Variants in LRRC27 observed in about 807,000 individuals in gnomAD.
The protein encoded by LRRC27 is leucine rich repeat containing 27, also known as leucine-rich repeat-containing protein 27.
Under a neutral mutation model 55.0 loss-of-function variants are expected in LRRC27, and 57 were observed. That is an observed-to-expected ratio of 1.04 (90% CI 0.84 to 1.29). The LOEUF (loss-of-function observed/expected upper bound fraction) is 1.29, where lower values mean the gene tolerates loss of function less well. Among genes scored for constraint, LRRC27 ranks in the 50% most tolerant of loss-of-function variants. LRRC27 has a pLI of 0.00. For synonymous variants in LRRC27, 278 were observed against 251.9 expected (o/e 1.10, Z -0.98); for missense variants, 721 against 651.5 (o/e 1.11, Z -1.16).
In LRRC27 at chr10:132,355,720, G is replaced by T. The variant is rs1315441263; in HGVS notation, c.1074-70G>T. ...CAGGTGCACCGCAAGGCTGTAGAAT[G>T]ACAGAGGAATCCTGTAGCCTTGGCT... On this transcript the variant is annotated intron_variant, in intron 7 of 10. Coordinates refer to ENST00000368614, the MANE Select transcript of LRRC27 (RefSeq NM_030626.3). 4 of 1,187,308 alleles carry T rather than the reference G, an allele frequency of 3.4e-6. No individual in the cohort carries two copies. The South Asian group carries it at 5.3e-5, about 16-fold the overall frequency. 73.5% of individuals were successfully genotyped at this position (1,187,308 alleles called of 1,614,324 possible).
At chr10:132,342,323 G>T (rs1023318919) in intron 4 of LRRC27, 52 bp downstream of exon 4, 1 of 1,186,706 alleles carries the variant, frequency 8.4e-7, no homozygotes. Flanking sequence ...TTTTGAACTT[G>T]CCAGACCTTG....
In LRRC27 at chr10:132,357,661, G is replaced by C. The variant is rs143157501; in HGVS notation, c.1170+1775G>C. ...TGGCTCTGGGGAGGGGGGCGCAGAG[G>C]AGGGGTCGATGCTGCCACAGTTGTG... On this transcript the variant is annotated intron_variant, in intron 8 of 10. Coordinates refer to ENST00000368614, the MANE Select transcript of LRRC27 (RefSeq NM_030626.3). Among the ~76,000 whole-genome samples the C allele has an allele frequency of 7.1e-3, 1,076 of 152,314 alleles. 7 individuals are homozygous for C. Among genetic ancestry groups the C allele is most frequent in the Middle Eastern group, 0.027 (8 of 294 alleles).
intron 9 of LRRC27, among the ~76,000 whole-genome samples, chr10:132,363,146 C>A (rs1590709706): frequency 8.4e-6 from 1 of 119,070 alleles, no homozygotes; most frequent in Non-Finnish European, 1.8e-5. Context: ...TCACCTCACA[C>A]CAGCTCGGGG....
chr10:132,364,438 TACC>T (rs1354735200), intron 9 of LRRC27, among the ~76,000 whole-genome samples: 3 of 130,010 alleles, frequency 2.3e-5, no homozygotes, highest in African/African-American at 8.8e-5. Context: ...CGCTTACATC[TACC>T]TCCACACCCA....
chr10:132,370,087 G>A (rs1326770413), intron 10 of LRRC27, among the ~76,000 whole-genome samples: 1 of 152,192 alleles, frequency 6.6e-6, no homozygotes, highest in Non-Finnish European at 1.5e-5. Flanking sequence ...ACTGTAAATG[G>A]TGGAGCTTTC....
intron 10 of LRRC27, among the ~76,000 whole-genome samples, chr10:132,368,796 T>C (rs964064841): frequency 2.6e-5 from 4 of 152,370 alleles, no homozygotes; most frequent in African/African-American, 4.8e-5. Flanking sequence ...AAATAATTGA[T>C]AAGCCGGGCT....
At chr10:132,335,576 G>T (rs2067085833) in intron 2 of LRRC27, among the ~76,000 whole-genome samples, 1 of 119,982 alleles carries the variant, frequency 8.3e-6, no homozygotes, top group Non-Finnish European at 1.7e-5. Context: ...TGAGTACTAT[G>T]GGGGGGGTCA....
intron 2 of LRRC27, among the ~76,000 whole-genome samples, chr10:132,334,909 A>T (rs559692091): frequency 9.2e-5 from 14 of 152,336 alleles, no homozygotes; most frequent in African/African-American, 3.4e-4. Flanking sequence ...TGTCAGTATA[A>T]ATTTTATTAC....
intron 10 of LRRC27, chr10:132,366,809 C>A: frequency 8.1e-7 from 1 of 1,240,040 alleles, no homozygotes; most frequent in African/African-American, 1.6e-5. Flanking sequence ...TCTGCAGGCT[C>A]CATTCCCACC....
intron 10 of LRRC27, among the ~76,000 whole-genome samples, chr10:132,367,489 C>A (rs1390605138): frequency 2.0e-5 from 3 of 152,130 alleles, no homozygotes; most frequent in Non-Finnish European, 4.4e-5. Context: ...AATGTAGACG[C>A]AAAAATTCTC....
Position 132,381,097 on chromosome 10 carries a change from C to T in LRRC27, c.*5855C>T, listed in dbSNP as rs1467559486. On this transcript the variant is annotated 3_prime_UTR_variant, in exon 11 of 11. Coordinates refer to ENST00000368614, the MANE Select transcript of LRRC27 (RefSeq NM_030626.3). Reference sequence around the variant, plus strand: ...TCTGGGTGTTGCCAGAAGAGATTAACATTTGAGTCAGTGGACTGGGAGAAG... The same window carrying T: ...TCTGGGTGTTGCCAGAAGAGATTAATATTTGAGTCAGTGGACTGGGAGAAG... Among the ~76,000 whole-genome samples the T allele has an allele frequency of 6.6e-6, 1 of 152,192 alleles. No homozygotes were observed. The highest frequency in any genetic ancestry group is 1.9e-4 in the East Asian group (1 of 5,200).
intron 3 of LRRC27, among the ~76,000 whole-genome samples, chr10:132,341,706 C>G (rs1235765960): frequency 6.6e-6 from 1 of 152,222 alleles, no homozygotes; most frequent in Non-Finnish European, 1.5e-5. Flanking sequence ...CGGTGGAAGT[C>G]TCTCAAACAT....
chr10:132,347,904 A>G, intron 5 of LRRC27, 80 bp from the exon 6 acceptor site: 1 of 1,501,788 alleles, frequency 6.7e-7, no homozygotes, highest in Non-Finnish European at 8.9e-7. Flanking sequence ...CCCACCATCC[A>G]GGCCGTCACT....
At chr10:132,371,921 C>T (rs950201716) in intron 10 of LRRC27, among the ~76,000 whole-genome samples, 2 of 152,226 alleles carry the variant, frequency 1.3e-5, no homozygotes, top group African/African-American at 4.8e-5. Flanking sequence ...CAGCTGCTGT[C>T]GTCTGGGGGC....
chr10:132,335,715 G>T (rs567515303), intron 2 of LRRC27, among the ~76,000 whole-genome samples: 27 of 152,322 alleles, frequency 1.8e-4, no homozygotes, highest in African/African-American at 5.8e-4. Context: ...TGGTTGTTGG[G>T]CAGGGGCTGT....
intron 10 of LRRC27, chr10:132,367,028 C>T: frequency 3.5e-6 from 4 of 1,127,276 alleles, no homozygotes; most frequent in Non-Finnish European, 4.5e-6. Context: ...ATGACCTTGT[C>T]CTTGGACACC....
At chr10:132,367,329 G>A (rs538644698) in intron 10 of LRRC27, among the ~76,000 whole-genome samples, 3 of 152,304 alleles carry the variant, frequency 2.0e-5, no homozygotes, top group Admixed American at 2.0e-4. Flanking sequence ...GTTTAAGGAA[G>A]AAACTATACC....
At chr10:132,333,084 A>G (rs1029206176) in intron 1 of LRRC27, among the ~76,000 whole-genome samples, 5 of 152,206 alleles carry the variant, frequency 3.3e-5, no homozygotes, top group African/African-American at 1.2e-4. Flanking sequence ...ACATAGTTCA[A>G]ATGGCACAGA....
chr10:132,331,758 T>C (rs766991458), upstream of LRRC27: 4 of 1,610,926 alleles, frequency 2.5e-6, no homozygotes, highest in East Asian at 8.9e-5. Context: ...CCTTCCCCTC[T>C]GTGCCAGGCC....
Sources: gnomAD v4.1 joint callset for allele counts (sites outside exome capture counted in the v4.1 genomes callset) on GRCh38, gnomAD v4.1.1 for gene constraint, MANE v1.5 for transcripts, NCBI Gene and HGNC (gene_info 2026-07-23, HGNC 2026-07-21) for gene names.